The following IGSF21 variants were observed in gnomAD, a reference collection of about 807,000 sequenced individuals.
The protein encoded by IGSF21 is immunoglobin superfamily member 21, also known as immunoglobulin superfamily member 21.
In IGSF21, 28 loss-of-function variants were observed where a neutral mutation model predicts 46.8. The observed-to-expected ratio is 0.60, with a 90% confidence interval of 0.44 to 0.82. The LOEUF (loss-of-function observed/expected upper bound fraction) is 0.82, where lower values mean the gene tolerates loss of function less well. Among genes scored for constraint, IGSF21 ranks in the 40% least tolerant of loss-of-function variants. IGSF21 has a pLI of 0.00. For missense variants in IGSF21, 624 were observed against 665.5 expected, an observed-to-expected ratio of 0.94 and a Z score of 0.69; for synonymous variants, 284 against 273.6, an observed-to-expected ratio of 1.04 and a Z score of -0.38.
At chr1:18,260,031 A>G (rs550677798) in intron 2 of IGSF21, among the ~76,000 whole-genome samples, 1 of 152,332 alleles carries the variant, frequency 6.6e-6, no homozygotes, top group Admixed American at 6.5e-5. Flanking sequence ...GAATGGGTAT[A>G]AAAACATCCC....
At chr1:18,364,183 G>A (rs960115276) in intron 5 of IGSF21, among the ~76,000 whole-genome samples, 1 of 151,914 alleles carries the variant, frequency 6.6e-6, no homozygotes, top group East Asian at 1.9e-4. Flanking sequence ...CAAATCCCAG[G>A]CATCTTATGT....
At chr1:18,374,663 A>T (rs1234696420) in intron 6 of IGSF21, among the ~76,000 whole-genome samples, 1 of 152,044 alleles carries the variant, frequency 6.6e-6, no homozygotes, top group Non-Finnish European at 1.5e-5. Flanking sequence ...TGTCTTGCTT[A>T]TGGTTTAATT....
intron 2 of IGSF21, among the ~76,000 whole-genome samples, chr1:18,287,373 TG>T (rs564420842): frequency 1.1e-3 from 163 of 151,750 alleles, no homozygotes; most frequent in Admixed American, 2.0e-3. Flanking sequence ...TCCAGGTTGG[TG>T]ACAGAGCGAG....
At chr1:18,237,563 T>C (rs1041293078) in intron 2 of IGSF21, among the ~76,000 whole-genome samples, 11 of 152,182 alleles carry the variant, frequency 7.2e-5, no homozygotes, top group African/African-American at 2.7e-4. Flanking sequence ...TCTTCTCTTT[T>C]CCGCCTGGGC....
chr1:18,368,150 C>T (rs929583067), intron 6 of IGSF21, among the ~76,000 whole-genome samples: 1 of 151,900 alleles, frequency 6.6e-6, no homozygotes, highest in Admixed American at 6.6e-5. Flanking sequence ...TGCCTCCTCA[C>T]GGCGTCCCTC....
intron 1 of IGSF21, among the ~76,000 whole-genome samples, chr1:18,157,854 G>A (rs570178039): frequency 2.6e-5 from 4 of 152,148 alleles, no homozygotes; most frequent in African/African-American, 9.6e-5. Flanking sequence ...CTGACTCAGG[G>A]CTCCCATAGG....
intron 1 of IGSF21, among the ~76,000 whole-genome samples, chr1:18,164,071 T>A (rs2086654787): frequency 6.6e-6 from 1 of 152,126 alleles, no homozygotes; most frequent in African/African-American, 2.4e-5. Flanking sequence ...AGGATAATGA[T>A]GATGACAATA....
intron 4 of IGSF21, among the ~76,000 whole-genome samples, chr1:18,356,459 C>A (rs1380217298): frequency 6.6e-6 from 1 of 152,208 alleles, no homozygotes; most frequent in African/African-American, 2.4e-5. Context: ...TGATTCTTTG[C>A]CACCTGGATC....
intron 1 of IGSF21, chr1:18,111,457 C>T (rs1041551849): frequency 6.6e-6 from 1 of 152,168 alleles, no homozygotes; most frequent in African/African-American, 2.4e-5. Flanking sequence ...TTAGAGGAAA[C>T]ATTATCACCC....
intron 1 of IGSF21, among the ~76,000 whole-genome samples, chr1:18,181,867 G>A (rs992183679): frequency 5.9e-5 from 9 of 152,276 alleles, no homozygotes; most frequent in African/African-American, 1.9e-4. Context: ...CACTAGATAA[G>A]ACACTGAGAG....
At chr1:18,236,378 T>A (rs536734585) in intron 2 of IGSF21, among the ~76,000 whole-genome samples, 22 of 152,372 alleles carry the variant, frequency 1.4e-4, no homozygotes, top group Admixed American at 3.9e-4. Context: ...CATGTGGAAC[T>A]GTGAGTTCAT....
intron 4 of IGSF21, among the ~76,000 whole-genome samples, chr1:18,359,391 G>GAAGAAAGAAAGA (rs1557659680): frequency 1.9e-5 from 1 of 51,316 alleles, no homozygotes; most frequent in African/African-American, 8.0e-5. Context: ...AGAAAGGAAG[G>GAAGAAAGAAAGA]AAGGAAGGAA....
chr1:18,354,120 C>T (rs1179493536), intron 4 of IGSF21, among the ~76,000 whole-genome samples: 3 of 152,136 alleles, frequency 2.0e-5, no homozygotes, highest in Non-Finnish European at 4.4e-5. Context: ...CTCCAGGCAC[C>T]CAGAGGACAG....
chr1:18,227,867 C>G, intron 1 of IGSF21, 31 bp from the exon 2 acceptor site: 3 of 1,550,920 alleles, frequency 1.9e-6, no homozygotes, highest in Non-Finnish European at 2.7e-6. Context: ...CTGCTCGTGC[C>G]CTTACCACCC....
rs1569691386 is a variant in IGSF21, at chr1:18,273,444, CA to C, written c.184-18421del. On this transcript the variant is annotated intron_variant, in intron 2 of 9. Coordinates refer to ENST00000251296, the MANE Select transcript of IGSF21 (RefSeq NM_032880.5). ...CCTTTCCTTTCCTTTCTTTCTTTCTCACTTTCTTTCTTTCTCTCTCTTTCTT... is the reference window on the plus strand; with the variant it reads ...CCTTTCCTTTCCTTTCTTTCTTTCTCCTTTCTTTCTTTCTCTCTCTTTCTT... 9.2e-5 allele frequency among the ~76,000 whole-genome samples: 9 copies of C among 97,340 alleles called. 1 individual carries two copies. The highest frequency in any genetic ancestry group is 6.7e-4 in the Admixed American group (5 of 7,464). The allele number at this position is 97,340 out of a possible 152,430, so 63.9% of individuals were successfully genotyped here.
chr1:18,201,146 G>T (rs556948216), intron 1 of IGSF21, among the ~76,000 whole-genome samples: 1 of 152,282 alleles, frequency 6.6e-6, no homozygotes, highest in Non-Finnish European at 1.5e-5. Context: ...CTTGAGCTGG[G>T]GACTGGAGGA....
At chr1:18,330,212 A>G (rs898181848) in intron 3 of IGSF21, among the ~76,000 whole-genome samples, 2 of 152,134 alleles carry the variant, frequency 1.3e-5, no homozygotes, top group Non-Finnish European at 2.9e-5. Flanking sequence ...AAAACAGAAA[A>G]GACCAAATTT....
chr1:18,307,969 C>T (rs1053589402), intron 3 of IGSF21, among the ~76,000 whole-genome samples: 4 of 152,138 alleles, frequency 2.6e-5, no homozygotes, highest in Admixed American at 1.3e-4. Flanking sequence ...AAAATGCAAT[C>T]GTCATCTTAA....
intron 2 of IGSF21, among the ~76,000 whole-genome samples, chr1:18,258,823 C>A (rs566024067): frequency 6.6e-6 from 1 of 152,294 alleles, no homozygotes; most frequent in African/African-American, 2.4e-5. Context: ...GGCTTAGCAC[C>A]TAGTAAGTGT....
Sources: gnomAD v4.1 joint callset for allele counts (sites outside exome capture counted in the v4.1 genomes callset) on GRCh38, gnomAD v4.1.1 for gene constraint, MANE v1.5 for transcripts, NCBI Gene and HGNC (gene_info 2026-07-23, HGNC 2026-07-21) for gene names.